The following MCPH1 variants were observed in gnomAD, a reference collection of about 807,000 sequenced individuals.
The protein encoded by MCPH1 is microcephalin.
MCPH1 carries 104 observed loss-of-function variants against 84.5 expected under a neutral mutation model. The observed-to-expected ratio is 1.23, with a 90% CI of 1.05 to 1.45. The LOEUF is 1.45. Among genes scored for constraint, MCPH1 ranks in the 40% most tolerant of loss-of-function variants. MCPH1 has a pLI of 0.00. For missense variants in MCPH1, 1,498 were observed against 1,005.7 expected (o/e 1.49, Z -6.62); for synonymous variants, 514 against 366.8 (o/e 1.40, Z -4.58).
At chr8:6,564,818 A>G (rs1826014300) in intron 12 of MCPH1, among the ~76,000 whole-genome samples, 1 of 152,222 alleles carries the variant, frequency 6.6e-6, no homozygotes, top group South Asian at 2.1e-4. Context: ...TCAGAACTAC[A>G]TTTTTATTAA....
intron 11 of MCPH1, among the ~76,000 whole-genome samples, chr8:6,484,885 A>T (rs1809678727): frequency 6.6e-6 from 1 of 152,256 alleles, no homozygotes; most frequent in South Asian, 2.1e-4. Flanking sequence ...GCCTCTGCAG[A>T]ACAATAGCAG....
chr8:6,407,807 A>G (rs1585540531), intron 1 of MCPH1, among the ~76,000 whole-genome samples: 1 of 152,332 alleles, frequency 6.6e-6, no homozygotes, highest in East Asian at 1.9e-4. Flanking sequence ...TATGCCCCCC[A>G]GGCCATATCT....
At chr8:6,605,856 C>G (rs552008951) in intron 12 of MCPH1, among the ~76,000 whole-genome samples, 203 of 152,256 alleles carry the variant, frequency 1.3e-3, no homozygotes, top group African/African-American at 4.7e-3. Flanking sequence ...TGCCACCATG[C>G]CCAACTAATT....
intron 12 of MCPH1, among the ~76,000 whole-genome samples, chr8:6,617,773 C>T (rs547524379): frequency 6.6e-6 from 1 of 152,252 alleles, no homozygotes; most frequent in East Asian, 1.9e-4. Flanking sequence ...ACTTCCTGGG[C>T]TCAAGTGATC....
chr8:6,423,212 CTG>C (rs1326056179), intron 3 of MCPH1, among the ~76,000 whole-genome samples: 2 of 80,734 alleles, frequency 2.5e-5, no homozygotes, highest in Non-Finnish European at 5.3e-5. Flanking sequence ...TTTTTTGAAA[CTG>C]AGTCTCGCTC....
intron 12 of MCPH1, among the ~76,000 whole-genome samples, chr8:6,593,083 T>G (rs1246493669): frequency 2.1e-5 from 3 of 144,362 alleles, no homozygotes; most frequent in African/African-American, 5.1e-5. Context: ...AGGGTGTGGT[T>G]TTTTTTTTTT....
chr8:6,440,550 C>T (rs1469452143), intron 6 of MCPH1, among the ~76,000 whole-genome samples: 1 of 152,176 alleles, frequency 6.6e-6, no homozygotes, highest in Non-Finnish European at 1.5e-5. Flanking sequence ...TCAAATTATC[C>T]TTCAAAAAAT....
chr8:6,419,188 C>CAT (rs1799797940), intron 3 of MCPH1, among the ~76,000 whole-genome samples: 2 of 12,460 alleles, frequency 1.6e-4, no homozygotes, highest in African/African-American at 2.3e-4. Context: ...CACACACACA[C>CAT]GCATTTTTAC....
At chr8:6,604,067 T>C in intron 12 of MCPH1, among the ~76,000 whole-genome samples, 1 of 151,598 alleles carries the variant, frequency 6.6e-6, no homozygotes, top group East Asian at 1.9e-4. Context: ...CCCTGGCCAG[T>C]AGGAAACAGG....
intron 9 of MCPH1, among the ~76,000 whole-genome samples, chr8:6,469,107 G>A (rs1489672205): frequency 6.6e-6 from 1 of 152,076 alleles, no homozygotes; most frequent in Non-Finnish European, 1.5e-5. Flanking sequence ...TTGAGACCAG[G>A]AATTCGAGGC....
intron 11 of MCPH1, among the ~76,000 whole-genome samples, chr8:6,499,416 A>G (rs2442475): frequency 0.78 from 119,251 of 152,086 alleles, 47,150 homozygotes; most frequent in African/African-American, 0.89. Context: ...AAACAAAGTC[A>G]CAAGCCAAAG....
intron 9 of MCPH1, among the ~76,000 whole-genome samples, chr8:6,460,476 A>C (rs1004592839): frequency 1.3e-5 from 2 of 152,012 alleles, no homozygotes; most frequent in Non-Finnish European, 2.9e-5. Context: ...TCGTCCTCCC[A>C]GGGTACTGGG....
chr8:6,517,380 A>G (rs906886384), intron 12 of MCPH1, among the ~76,000 whole-genome samples: 3 of 152,216 alleles, frequency 2.0e-5, no homozygotes, highest in Admixed American at 6.5e-5. Flanking sequence ...AACCGTTAGG[A>G]GTCAGGTGTC....
chr8:6,486,789 A>G (rs1809981683), intron 11 of MCPH1, among the ~76,000 whole-genome samples: 1 of 152,224 alleles, frequency 6.6e-6, no homozygotes, highest in Non-Finnish European at 1.5e-5. Flanking sequence ...CAACAGAAAA[A>G]TAAAGAAATT....
At chr8:6,482,814 G>A (rs1809405339) in intron 11 of MCPH1, among the ~76,000 whole-genome samples, 1 of 152,150 alleles carries the variant, frequency 6.6e-6, no homozygotes, top group East Asian at 1.9e-4. Context: ...ATAAAGGTGG[G>A]CATTAAAACA....
intron 13 of MCPH1, among the ~76,000 whole-genome samples, chr8:6,634,456 GCCCCT>G (rs1797393781): frequency 1.3e-5 from 2 of 152,060 alleles, no homozygotes; most frequent in African/African-American, 4.8e-5. Context: ...TGACGGGACA[GCCCCT>G]ACAGGAATTA....
At position 6,480,775 on chromosome 8, in the gene MCPH1, G is replaced by A. The variant is rs369738631; in HGVS notation, c.2035G>A (p.Val679Ile). 18 of 1,614,048 alleles carry A rather than the reference G, an allele frequency of 1.1e-5. No homozygotes were observed. Among genetic ancestry groups the A allele is most frequent in the Admixed American group, 5.0e-5 (3 of 60,012 alleles). The change falls in exon 11 of 14, where the codon GTC (valine) becomes ATC (isoleucine). Residue 679 changes from valine to isoleucine, a missense_variant. Val to Ile is a conservative substitution (Grantham distance 29). Coordinates refer to ENST00000344683, the MANE Select transcript of MCPH1 (RefSeq NM_024596.5). ...KLKGFSIAPD[V>I]CETTTHVLSG... ...GAAAGGCTTTTCAATTGCACCAGAC[G>A]TCTGTGAGACCACGACTCACGTGCT... is the stretch of plus-strand genomic sequence containing the variant.
At chr8:6,603,096 C>G (rs2129578407) in intron 12 of MCPH1, among the ~76,000 whole-genome samples, 1 of 152,056 alleles carries the variant, frequency 6.6e-6, no homozygotes, top group Admixed American at 6.5e-5. Context: ...CCTGTATTTT[C>G]TCAGTTTCCC....
rs34760446 is a variant in MCPH1 at position 6,588,341 on chromosome 8, C to CT, written c.2215-33099dup. On this transcript the variant is annotated intron_variant, in intron 12 of 13. Transcript: ENST00000344683. ...GCAAGAACTATACATTCACTTAAAA[C>CT]TTTTTTTTTTTTTTAAGTGTAAAAT... Among the ~76,000 whole-genome samples, 1,237 of 148,874 alleles carry CT rather than the reference C, an allele frequency of 8.3e-3. 20 individuals are homozygous for CT. The highest frequency in any genetic ancestry group is 0.026 in the African/African-American group (1,057 of 40,430).
Sources: allele counts gnomAD v4.1 joint callset (sites outside exome capture counted in the v4.1 genomes callset), GRCh38; gene constraint gnomAD v4.1.1; transcripts MANE v1.5; gene names NCBI Gene and HGNC (gene_info 2026-07-23, HGNC 2026-07-21).